The following ADAR variants were observed in gnomAD, a reference collection of about 807,000 sequenced individuals.
The protein encoded by ADAR is adenosine deaminase RNA specific.
Under a neutral mutation model 113.2 loss-of-function variants are expected in ADAR, and 41 were observed. The observed-to-expected ratio is 0.36, with a 90% CI of 0.28 to 0.47. The LOEUF (loss-of-function observed/expected upper bound fraction) is 0.47, where lower values mean the gene tolerates loss of function less well. Among genes scored for constraint, ADAR ranks in the 20% least tolerant of loss-of-function variants. The pLI is 1.00. For missense variants in ADAR, 1,242 were observed against 1,540.9 expected (o/e 0.81, Z 3.25); for synonymous variants, 605 against 572.6 (o/e 1.06, Z -0.81).
intron 6 of ADAR, among the ~76,000 whole-genome samples, chr1:154,592,866 T>C (rs1025886076): frequency 6.6e-6 from 1 of 151,674 alleles, no homozygotes; most frequent in African/African-American, 2.4e-5. Flanking sequence ...GCTGTCGCGG[T>C]GGTTCATGCC....
Position 154,601,344 on chromosome 1 carries a change from T to G in ADAR, c.1298A>C (p.Lys433Thr). 6.2e-7 allele frequency: 1 copy of G among 1,614,258 alleles called. No individual in the cohort carries two copies. Among genetic ancestry groups the G allele is most frequent in the Non-Finnish European group, 8.5e-7 (1 of 1,180,044 alleles). ...GGGGCCATTGTAATGAACAGGTGGT[T>G]TCAGTCTTGCTGGTTCTGGTCTGGC... Reference protein sequence around the residue: ...QEARPEPARLKPPVHYNGPSK... With the variant: ...QEARPEPARLTPPVHYNGPSK... Residue 433 changes from lysine to threonine, a missense_variant, in exon 2 of 15, where the codon AAA becomes ACA. Around this residue, in one of 2 missense-constraint regions of ADAR, gnomAD observed 780 missense variants for 1,057.9 expected, o/e 0.74. Transcript: ENST00000368474. This position sits in a 1 kb window ranked among gnomAD's most constrained non-coding sequence, Gnocchi z 4.7.
At chr1:154,593,178 A>G (rs1047541228) in intron 6 of ADAR, among the ~76,000 whole-genome samples, 1 of 151,508 alleles carries the variant, frequency 6.6e-6, no homozygotes, top group Non-Finnish European at 1.5e-5. Flanking sequence ...TCATAAAATT[A>G]GTTAACGTCA....
upstream of ADAR, among the ~76,000 whole-genome samples, chr1:154,609,422 T>TTATAGCAG (rs1200154801): frequency 1.3e-5 from 2 of 152,208 alleles, no homozygotes; most frequent in Non-Finnish European, 2.9e-5. Flanking sequence ...GGCAGTCCCT[T>TTATAGCAG]TATAGCAGTA....
intron 1 of ADAR, among the ~76,000 whole-genome samples, chr1:154,626,137 A>T (rs1226774473): frequency 1.6e-5 from 2 of 127,080 alleles, no homozygotes; most frequent in Non-Finnish European, 3.3e-5. Context: ...TTTTTTTTTG[A>T]GATACAGTTT....
In ADAR at chr1:154,585,282, G is replaced by A. The variant is rs770422104; in HGVS notation, c.3378C>T (p.Val1126=). The change falls in exon 14 of 15, where the codon GTC becomes GTT. Residue 1126 remains valine, a synonymous_variant. Coordinates refer to ENST00000368474, the MANE Select transcript of ADAR (RefSeq NM_001111.5). The part of the protein sequence containing the change: ...RQSGKTKETS[V]NWCLADGYDL... ...CATAGCCATCAGCCAGACACCAGTT[G>A]ACGCTTGTCTCCTTAGTCTTCCCGG... 1 of 1,614,046 alleles carries A rather than the reference G, an allele frequency of 6.2e-7. No individual in the cohort carries two copies. The highest frequency in any genetic ancestry group is 8.5e-7 in the Non-Finnish European group (1 of 1,180,034).
In ADAR at chr1:154,590,379, G is replaced by A; in HGVS notation, c.2301C>T (p.Arg767=). 6.2e-7 allele frequency: 1 copy of A among 1,614,106 alleles called. No individual in the cohort carries two copies. The highest frequency in any genetic ancestry group is 1.1e-5 in the South Asian group (1 of 91,082). Residue 767 remains arginine, a synonymous_variant, in exon 7 of 15, where the codon CGC becomes CGT. Transcript: ENST00000368474. ...TGTGTGCGCAGACGGCTGGGAACCAGCGACCCCCAACTTTTGCTTGGTAAA... is the reference window on the plus strand; with the variant it reads ...TGTGTGCGCAGACGGCTGGGAACCAACGACCCCCAACTTTTGCTTGGTAAA... ...KFVYQAKVGG[R]WFPAVCAHSK...
intron 6 of ADAR, among the ~76,000 whole-genome samples, chr1:154,595,206 A>G (rs755070181): frequency 6.6e-6 from 1 of 152,220 alleles, no homozygotes; most frequent in Non-Finnish European, 1.5e-5. Context: ...TGTGAATGCG[A>G]GGGATCTAGG....
chr1:154,622,752 G>A (rs576429350), intron 1 of ADAR, among the ~76,000 whole-genome samples: 2 of 152,312 alleles, frequency 1.3e-5, no homozygotes, highest in African/African-American at 4.8e-5. Flanking sequence ...TATCTATCAT[G>A]CAGACTGGAA....
chr1:154,596,358 T>TCA (rs34008074), intron 6 of ADAR, among the ~76,000 whole-genome samples: 106,239 of 151,644 alleles, frequency 0.7, 37,229 homozygotes, highest in South Asian at 0.77. Context: ...TTCTCCTGTC[T>TCA]GCCTCCCGAG....
chr1:154,590,278 C>T lies in ADAR; in HGVS notation c.2402G>A (p.Arg801His), dbSNP rs1697057369. 2 of 1,614,044 alleles carry T rather than the reference C, an allele frequency of 1.2e-6. No individual in the cohort carries two copies. The highest frequency in any genetic ancestry group is 8.5e-7 in the Non-Finnish European group (1 of 1,180,034). The change falls in exon 7 of 15, where the codon CGC becomes CAC. Residue 801 changes from arginine (R) to histidine (H), a missense_variant. Transcript: ENST00000368474. ...TGGGGTTACCTCTGTGAAACCCATG[C>T]GTTCTGCCTTCTCGTTCTCCCCAAT... ...VLIGENEKAERMGFTEVTPVT... is the reference protein window; with the variant it reads ...VLIGENEKAEHMGFTEVTPVT...
At chr1:154,598,795 T>C (rs1228425379) in intron 2 of ADAR, among the ~76,000 whole-genome samples, 2 of 152,152 alleles carry the variant, frequency 1.3e-5, no homozygotes, top group African/African-American at 2.4e-5. Flanking sequence ...TCTTTCCCCA[T>C]AGCTCAGTGA....
chr1:154,589,688 C>G, intron 8 of ADAR, 69 bp downstream of exon 8: 1 of 1,589,018 alleles, frequency 6.3e-7, no homozygotes, highest in South Asian at 1.1e-5. Context: ...TGCATGGACT[C>G]CAGGGGAGGA....
At position 154,601,375 on chromosome 1, in the gene ADAR, G is replaced by C. The variant is rs1697861124; in HGVS notation, c.1267C>G (p.Gln423Glu). ...QEPVIKLENR[Q>E]EARPEPARLK... Reference sequence around the variant, plus strand: ...CTTGCTGGTTCTGGTCTGGCCTCTTGCCTGTTTTCTAACTTTATGACAGGT... The same window carrying C: ...CTTGCTGGTTCTGGTCTGGCCTCTTCCCTGTTTTCTAACTTTATGACAGGT... Residue 423 changes from glutamine to glutamate, a missense_variant, in exon 2 of 15, where the codon CAA becomes GAA. Physicochemically the swap from Gln to Glu is conservative, Grantham distance 29. Around this residue, in one of 2 missense-constraint regions of ADAR, gnomAD observed 780 missense variants for 1,057.9 expected, o/e 0.74. Coordinates refer to ENST00000368474, the MANE Select transcript of ADAR (RefSeq NM_001111.5). This position sits in a 1 kb window ranked among gnomAD's most constrained non-coding sequence, Gnocchi z 4.7. 6.2e-7 allele frequency: 1 copy of C among 1,614,204 alleles called. No homozygotes were observed. The highest frequency in any genetic ancestry group is 1.7e-5 in the Admixed American group (1 of 60,032).
chr1:154,597,028 A>G (rs200827245), intron 5 of ADAR, 33 bp from the exon 6 acceptor site: 4 of 1,614,046 alleles, frequency 2.5e-6, no homozygotes, highest in South Asian at 1.1e-5. Flanking sequence ...GAGGAGCCAT[A>G]AACACTTCAG....
At chr1:154,603,834 C>T (rs1698032272) in intron 1 of ADAR, among the ~76,000 whole-genome samples, 1 of 152,176 alleles carries the variant, frequency 6.6e-6, no homozygotes, top group Non-Finnish European at 1.5e-5. Flanking sequence ...CTGGAGGCTG[C>T]ACAGGTAGAG....
intron 6 of ADAR, among the ~76,000 whole-genome samples, chr1:154,591,734 AG>A (rs1468862125): frequency 1.3e-5 from 2 of 152,266 alleles, no homozygotes; most frequent in Non-Finnish European, 2.9e-5. Context: ...AAGACTTAGC[AG>A]CTCAGGCAGT....
chr1:154,588,395 A>G lies in ADAR; in HGVS notation c.2886-137T>C, dbSNP rs1696904808. The G allele has an allele frequency of 3.4e-6, 5 of 1,484,530 alleles. No homozygotes were observed. The East Asian group carries it at 6.8e-5, about 20-fold the overall frequency. The allele number at this position is 1,484,530 out of a possible 1,614,324, so 92.0% of individuals were successfully genotyped here. ...TGGGAGACTGGAGGTGGACAGCAGTACATGTGAGTCATCTACACCTGAATA... is the reference window on the plus strand; with the variant it reads ...TGGGAGACTGGAGGTGGACAGCAGTGCATGTGAGTCATCTACACCTGAATA... On this transcript the variant is annotated intron_variant, in intron 10 of 14. Transcript: ENST00000368474.
intron 1 of ADAR, among the ~76,000 whole-genome samples, chr1:154,614,118 T>C (rs966864416): frequency 6.6e-6 from 1 of 152,172 alleles, no homozygotes; most frequent in African/African-American, 2.4e-5. Flanking sequence ...AAAATAATAC[T>C]AATAATAATG....
chr1:154,622,675 G>A (rs1698822948), intron 1 of ADAR, among the ~76,000 whole-genome samples: 1 of 152,138 alleles, frequency 6.6e-6, no homozygotes, highest in African/African-American at 2.4e-5. Context: ...AACACATATG[G>A]GAAGAGGTGT....
Sources: allele counts gnomAD v4.1 joint callset (sites outside exome capture counted in the v4.1 genomes callset), GRCh38; gene constraint gnomAD v4.1.1; regional missense constraint gnomAD v4.1.1; non-coding constraint Gnocchi (gnomAD v3.1); transcripts MANE v1.5; gene names NCBI Gene and HGNC (gene_info 2026-07-23, HGNC 2026-07-21).